Variants in AKAP6 observed in about 807,000 individuals in gnomAD.
AKAP6 encodes the protein A-kinase anchor protein 6.
Under a neutral mutation model 188.5 loss-of-function variants are expected in AKAP6, and 58 were observed. That is an observed-to-expected ratio of 0.31 (90% CI 0.25 to 0.38). The LOEUF (loss-of-function observed/expected upper bound fraction) is 0.38, where lower values mean the gene tolerates loss of function less well. Ranked by LOEUF, AKAP6 falls within the 10% of genes least tolerant of loss-of-function variation. AKAP6 has a pLI of 1.00. For missense variants in AKAP6, 2,710 were observed against 2,740.0 expected (o/e 0.99, Z 0.24); for synonymous variants, 989 against 998.6 (o/e 0.99, Z 0.18).
intron 1 of AKAP6, among the ~76,000 whole-genome samples, chr14:32,350,528 C>A (rs1395548208): frequency 6.6e-6 from 1 of 152,060 alleles, no homozygotes; most frequent in Admixed American, 6.6e-5. Context: ...AGATTAGGTC[C>A]TGGGACTGCA....
intron 2 of AKAP6, chr14:32,438,613 TGAG>T (rs1890465885): frequency 6.6e-6 from 1 of 152,198 alleles, no homozygotes; most frequent in South Asian, 2.1e-4. Flanking sequence ...TATATTATAC[TGAG>T]TACTTTTTTG....
At chr14:32,368,103 GTCTC>G (rs141495689) in intron 1 of AKAP6, among the ~76,000 whole-genome samples, 4 of 149,506 alleles carry the variant, frequency 2.7e-5, no homozygotes, top group East Asian at 3.9e-4. Flanking sequence ...CCCTCCCTCT[GTCTC>G]TCTCTCTCTC....
chr14:32,745,775 C>T (rs1423544776), intron 11 of AKAP6, among the ~76,000 whole-genome samples: 5 of 152,158 alleles, frequency 3.3e-5, no homozygotes, highest in South Asian at 2.1e-4. Flanking sequence ...CTCCCAGGCC[C>T]CTGTTGGGTC....
intron 8 of AKAP6, among the ~76,000 whole-genome samples, chr14:32,681,973 G>T (rs1296890708): frequency 6.6e-6 from 1 of 152,200 alleles, no homozygotes; most frequent in East Asian, 1.9e-4. Context: ...GAAATGAAAT[G>T]GTTCCTACAT....
At chr14:32,535,884 A>T (rs1043648772) in intron 3 of AKAP6, 79 bp downstream of exon 3, 1 of 1,528,836 alleles carries the variant, frequency 6.5e-7, no homozygotes, top group Non-Finnish European at 8.8e-7. Flanking sequence ...GAGATGTAGG[A>T]TAGGAATTCT....
At chr14:32,788,864 C>A (rs1163934486) in intron 12 of AKAP6, among the ~76,000 whole-genome samples, 2 of 152,168 alleles carry the variant, frequency 1.3e-5, no homozygotes, top group Non-Finnish European at 2.9e-5. Context: ...AGCCAAGCAG[C>A]GTCATTCTGC....
intron 1 of AKAP6, among the ~76,000 whole-genome samples, chr14:32,415,874 T>C (rs1041231636): frequency 1.3e-5 from 2 of 152,196 alleles, no homozygotes; most frequent in East Asian, 3.9e-4. Context: ...TTTCCTTCCT[T>C]TTTAAGGCTG....
At chr14:32,783,332 G>C (rs548763204) in intron 12 of AKAP6, among the ~76,000 whole-genome samples, 10 of 152,108 alleles carry the variant, frequency 6.6e-5, no homozygotes, top group African/African-American at 1.9e-4. Flanking sequence ...GTGATCACTG[G>C]AGCAATAATA....
chr14:32,358,796 C>G (rs1440681195), intron 1 of AKAP6, among the ~76,000 whole-genome samples: 1 of 152,112 alleles, frequency 6.6e-6, no homozygotes, highest in Non-Finnish European at 1.5e-5. Context: ...GCATGAGAAG[C>G]CTACTGCTAA....
chr14:32,780,459 T>C (rs2033215323), intron 12 of AKAP6, among the ~76,000 whole-genome samples: 1 of 152,196 alleles, frequency 6.6e-6, no homozygotes, highest in South Asian at 2.1e-4. Context: ...CAATCTGAGA[T>C]GATGGATATG....
In AKAP6 at chr14:32,727,484, G is replaced by A. The variant is rs546367182; in HGVS notation, c.3001-4970G>A. Among the ~76,000 whole-genome samples, 12 of 152,174 alleles carry A rather than the reference G, an allele frequency of 7.9e-5. No homozygotes were observed. The East Asian group carries it at 2.3e-3, about 29-fold the overall frequency. On this transcript the variant is annotated intron_variant, in intron 9 of 13. Transcript: ENST00000280979. The stretch of plus-strand genomic sequence containing the variant: ...AGATTGTTTTATGATCTTCTATTAG[G>A]GAATTTGCAATTCATTTTAATATTT...
chr14:32,506,030 C>T (rs1880858469), intron 2 of AKAP6, among the ~76,000 whole-genome samples: 1 of 151,780 alleles, frequency 6.6e-6, no homozygotes, highest in Non-Finnish European at 1.5e-5. Context: ...GTAGTTCAAG[C>T]TACGCGGGAG....
chr14:32,522,053 A>G (rs1296354736), intron 2 of AKAP6, among the ~76,000 whole-genome samples: 1 of 152,246 alleles, frequency 6.6e-6, no homozygotes, highest in Non-Finnish European at 1.5e-5. Context: ...CAACCATTTG[A>G]TCTTTGACAA....
In AKAP6 at chr14:32,592,911, G is replaced by A. The variant is rs1331304226; in HGVS notation, c.2470-6499G>A. 5.9e-5 allele frequency among the ~76,000 whole-genome samples: 9 copies of A among 152,108 alleles called. No individual in the cohort carries two copies. The East Asian group carries it at 1.7e-3, about 29-fold the overall frequency. On this transcript the variant is annotated intron_variant, in intron 5 of 13. Transcript: ENST00000280979. ...TGAACACAGGCTGTCCTGCTCCAGA[G>A]CCCTTGCTTGTCAACAGCCCCATTC...
At chr14:32,478,573 G>C (rs1254766402) in intron 2 of AKAP6, among the ~76,000 whole-genome samples, 1 of 152,136 alleles carries the variant, frequency 6.6e-6, no homozygotes, top group African/African-American at 2.4e-5. Flanking sequence ...TTAATTCGAT[G>C]CCAGAAAGAG....
chr14:32,390,670 G>C (rs1888683249), intron 1 of AKAP6, among the ~76,000 whole-genome samples: 1 of 152,104 alleles, frequency 6.6e-6, no homozygotes, highest in African/African-American at 2.4e-5. Flanking sequence ...CTGGTACTGG[G>C]GGTTGTCTGC....
chr14:32,715,108 T>C (rs1289486225), intron 9 of AKAP6, among the ~76,000 whole-genome samples: 1 of 152,002 alleles, frequency 6.6e-6, no homozygotes, highest in Non-Finnish European at 1.5e-5. Flanking sequence ...TTTTTCTACC[T>C]TGCAAACTGT....
rs78250264 is a variant in AKAP6, at chr14:32,575,482, G to T, written c.2347-1638G>T. Among the ~76,000 whole-genome samples, 613 of 152,190 alleles carry T rather than the reference G, an allele frequency of 4.0e-3. 1 individual carries two copies. The highest frequency in any genetic ancestry group is 0.013 in the African/African-American group (547 of 41,532). On this transcript the variant is annotated intron_variant, in intron 4 of 13. Coordinates refer to ENST00000280979, the MANE Select transcript of AKAP6 (RefSeq NM_004274.5). Reference sequence around the variant, plus strand: ...TCAATGATGTTGTCAATCAGTTTAGGGTTGGAGTCTAGGACTGGAGGAATG... The same window carrying T: ...TCAATGATGTTGTCAATCAGTTTAGTGTTGGAGTCTAGGACTGGAGGAATG...
chr14:32,602,970 G>A (rs1441301049), intron 7 of AKAP6, among the ~76,000 whole-genome samples: 1 of 152,174 alleles, frequency 6.6e-6, no homozygotes, highest in East Asian at 1.9e-4. Flanking sequence ...TGAAGCTTGT[G>A]GTGAAGTGTG....
Sources: gnomAD v4.1 joint callset for allele counts (sites outside exome capture counted in the v4.1 genomes callset) on GRCh38, gnomAD v4.1.1 for gene constraint, MANE v1.5 for transcripts, NCBI Gene and HGNC (gene_info 2026-07-23, HGNC 2026-07-21) for gene names.